Variants in FAM13B observed in about 807,000 individuals in gnomAD.
FAM13B encodes the protein family with sequence similarity 13 member B, also known as protein FAM13B.
In FAM13B, 60 loss-of-function variants were observed where a neutral mutation model predicts 117.3. The ratio of observed to expected loss-of-function variants is 0.51; its 90% CI spans 0.42 to 0.63. FAM13B has a LOEUF of 0.63. Ranked by LOEUF, FAM13B falls within the 30% of genes least tolerant of loss-of-function variation. The pLI is 0.00. For synonymous variants in FAM13B, 332 were observed against 356.1 expected (o/e 0.93, Z 0.76); for missense variants, 972 against 1,091.9 (o/e 0.89, Z 1.55).
intron 17 of FAM13B, among the ~76,000 whole-genome samples, chr5:137,951,210 A>C (rs1284984934): frequency 3.2e-5 from 1 of 30,804 alleles, no homozygotes; most frequent in Non-Finnish European, 7.2e-5. Flanking sequence ...TGTCTCAAAC[A>C]AAAAAAAAAA....
intron 10 of FAM13B, among the ~76,000 whole-genome samples, chr5:137,979,935 G>A (rs867074706): frequency 2.0e-5 from 3 of 151,008 alleles, no homozygotes; most frequent in African/African-American, 4.9e-5. Flanking sequence ...GCCAAGGCGC[G>A]AGGATCACCT....
At chr5:137,957,404 G>A (rs568746473) in intron 13 of FAM13B, among the ~76,000 whole-genome samples, 171 of 152,178 alleles carry the variant, frequency 1.1e-3, no homozygotes, top group Non-Finnish European at 1.7e-3. Flanking sequence ...GCCGGGTGTA[G>A]TGGCACATGT....
intron 2 of FAM13B, among the ~76,000 whole-genome samples, chr5:138,020,367 G>A (rs1440834983): frequency 6.6e-6 from 1 of 152,026 alleles, no homozygotes. Context: ...CCTTAACACT[G>A]TTATTTCATA....
At chr5:137,961,289 T>C (rs1047976863) in intron 11 of FAM13B, among the ~76,000 whole-genome samples, 2 of 147,122 alleles carry the variant, frequency 1.4e-5, no homozygotes, top group African/African-American at 5.0e-5. Flanking sequence ...ACAGTTGAAG[T>C]TGAAGAGGAG....
At chr5:137,986,818 A>G (rs1028718995) in intron 9 of FAM13B, among the ~76,000 whole-genome samples, 1 of 152,206 alleles carries the variant, frequency 6.6e-6, no homozygotes, top group African/African-American at 2.4e-5. Flanking sequence ...CATCCCAAGG[A>G]GAGGTGCCAG....
At chr5:137,940,413 T>C (rs930219348) in intron 23 of FAM13B, 65 bp from the exon 24 acceptor site, 2 of 1,156,696 alleles carry the variant, frequency 1.7e-6, no homozygotes, top group Non-Finnish European at 2.5e-6. Context: ...CCAAAAGTTG[T>C]CTTAATATGA....
intron 22 of FAM13B, chr5:137,942,292 TGG>T: frequency 2.2e-6 from 1 of 464,890 alleles, no homozygotes; most frequent in South Asian, 3.7e-5. Flanking sequence ...GGTAAAGAAG[TGG>T]ATATAGAACA....
rs555491146 is a variant in FAM13B at position 138,004,140 on chromosome 5, G to A, written c.848+2850C>T. On this transcript the variant is annotated intron_variant, in intron 7 of 23. Transcript: ENST00000689681. ...AAAAATTAGCCAGCCACGGTGGTGC[G>A]GGCCTGTAATCCCAGCTAATCGGGA... Among the ~76,000 whole-genome samples, 61 of 152,036 alleles carry A rather than the reference G, an allele frequency of 4.0e-4. 1 individual carries two copies. Among genetic ancestry groups the A allele is most frequent in the South Asian group, 2.1e-4 (1 of 4,806 alleles).
rs931952956 is a variant in FAM13B at position 137,954,179 on chromosome 5, G to C, written c.1705C>G (p.Leu569Val). ...AAAATCATATACCTAGTAAAAGACA[G>C]TGCTTTAGATGAGGAATCCAACTTT... Reference protein sequence around the residue: ...PEKLDSSSKALSFTRIRRSSF... With the variant: ...PEKLDSSSKAVSFTRIRRSSF... The change falls in exon 15 of 24, where the codon CTG (leucine) becomes GTG (valine). Residue 569 changes from leucine (L) to valine (V), a missense_variant. By Grantham distance (32) the Leu-to-Val change is conservative. Transcript: ENST00000689681. 7 of 1,613,144 alleles carry C rather than the reference G, an allele frequency of 4.3e-6. No homozygotes were observed. In the African/African-American group the frequency reaches 8.0e-5, roughly 19 times the overall value.
At chr5:138,004,701 G>A (rs1054935369) in intron 7 of FAM13B, among the ~76,000 whole-genome samples, 3 of 152,024 alleles carry the variant, frequency 2.0e-5, no homozygotes, top group East Asian at 1.9e-4. Context: ...GTGACATGCC[G>A]AAACCCCATC....
At chr5:138,020,478 C>G (rs1453108079) in intron 2 of FAM13B, among the ~76,000 whole-genome samples, 1 of 152,208 alleles carries the variant, frequency 6.6e-6, no homozygotes, top group Non-Finnish European at 1.5e-5. Flanking sequence ...TGGGAGAAAA[C>G]AATGTCTCAG....
chr5:138,032,367 A>T (rs1790319643), intron 1 of FAM13B, among the ~76,000 whole-genome samples: 1 of 151,942 alleles, frequency 6.6e-6, no homozygotes, highest in East Asian at 1.9e-4. Flanking sequence ...AATAAAACAC[A>T]CTCCTTTTTC....
chr5:137,983,196 A>C (rs1776283026), intron 10 of FAM13B, among the ~76,000 whole-genome samples: 1 of 148,210 alleles, frequency 6.7e-6, no homozygotes, highest in African/African-American at 2.5e-5. Context: ...AAAAAAAAAA[A>C]AAAAAAAAAA....
At chr5:138,026,264 T>C (rs1439992317) in intron 1 of FAM13B, among the ~76,000 whole-genome samples, 3 of 152,162 alleles carry the variant, frequency 2.0e-5, no homozygotes, top group African/African-American at 7.2e-5. Flanking sequence ...CATATGAATA[T>C]ATTTATTAAA....
At chr5:137,988,205 T>C (rs1201196716) in intron 8 of FAM13B, 69 bp downstream of exon 8, 10 of 1,206,806 alleles carry the variant, frequency 8.3e-6, no homozygotes, top group Admixed American at 2.7e-5. Flanking sequence ...AAGTACATTA[T>C]TTTCATTTCT....
chr5:137,992,112 A>G (rs113689446), intron 7 of FAM13B, among the ~76,000 whole-genome samples: 2,114 of 151,964 alleles, frequency 0.014, 53 homozygotes, highest in African/African-American at 0.047. Context: ...GGGTTTCATC[A>G]TGTTGCCCAG....
intron 9 of FAM13B, among the ~76,000 whole-genome samples, chr5:137,986,138 G>A (rs1219059605): frequency 6.7e-6 from 1 of 149,200 alleles, no homozygotes; most frequent in Admixed American, 6.7e-5. Flanking sequence ...CCAGTTGTAT[G>A]CATTCTAATC....
At chr5:138,038,218 T>C (rs1354373509) in intron 1 of FAM13B, among the ~76,000 whole-genome samples, 1 of 152,130 alleles carries the variant, frequency 6.6e-6, no homozygotes, top group African/African-American at 2.4e-5. Context: ...CCCCAAACTC[T>C]CGGTGCTGGT....
At chr5:137,962,196 C>T (rs564650974) in intron 11 of FAM13B, among the ~76,000 whole-genome samples, 240 of 152,244 alleles carry the variant, frequency 1.6e-3, no homozygotes, top group Middle Eastern at 3.4e-3. Context: ...GAATGTTTTC[C>T]AAGTTATAAC....
Sources: gnomAD v4.1 joint callset for allele counts (sites outside exome capture counted in the v4.1 genomes callset) on GRCh38, gnomAD v4.1.1 for gene constraint, MANE v1.5 for transcripts, NCBI Gene and HGNC (gene_info 2026-07-23, HGNC 2026-07-21) for gene names.